The following NLRC4 variants were observed in gnomAD, a reference collection of about 807,000 sequenced individuals.
NLRC4 encodes NLR family CARD domain-containing protein 4.
In NLRC4, 63 loss-of-function variants were observed where a neutral mutation model predicts 79.9. The ratio of observed to expected loss-of-function variants is 0.79; its 90% CI spans 0.64 to 0.97. The LOEUF (loss-of-function observed/expected upper bound fraction) is 0.97, where lower values mean the gene tolerates loss of function less well. NLRC4 is among the 50% of genes least tolerant of loss of function. The probability of loss-of-function intolerance (pLI) is 0.00; values close to 1 mark genes in which losing one functional copy is unlikely to be tolerated. For synonymous variants in NLRC4, 461 were observed against 456.5 expected, an observed-to-expected ratio of 1.01 and a Z score of -0.12; for missense variants, 1,074 against 1,215.2, an observed-to-expected ratio of 0.88 and a Z score of 1.73.
In NLRC4 at chr2:32,249,913, A is replaced by G; in HGVS notation, c.1951T>C (p.Leu651=). The part of the protein sequence containing the change: ...ETYIPSRAVS[L]FFNWKQEFRT... ...AATTCCTGCTTCCAGTTGAAGAACA[A>G]AGATACAGCCCTGCTGGGAATGTAG... The change falls in exon 4 of 9, where the codon TTG becomes CTG. Residue 651 remains leucine (L), a synonymous_variant. Transcript: ENST00000402280. 1 of 1,614,246 alleles carries G rather than the reference A, an allele frequency of 6.2e-7. No homozygotes were observed. The highest frequency in any genetic ancestry group is 8.5e-7 in the Non-Finnish European group (1 of 1,180,046).
At position 32,251,102 on chromosome 2, in the gene NLRC4, C is replaced by G. The variant is rs1459225416; in HGVS notation, c.762G>C (p.Lys254Asn). The G allele has an allele frequency of 6.2e-7, 1 of 1,614,162 alleles. No individual in the cohort carries two copies. Among genetic ancestry groups the G allele is most frequent in the South Asian group, 1.1e-5 (1 of 91,080 alleles). ...CTTCGATTTCTGGGCAGTTCTGGGG[C>G]TTGAATTCATTGTAGCCATCAAGAA... ...LFLLDGYNEFKPQNCPEIEAL... is the reference protein window; with the variant it reads ...LFLLDGYNEFNPQNCPEIEAL... The change falls in exon 4 of 9, where the codon AAG (lysine) becomes AAC (asparagine). Residue 254 changes from lysine to asparagine, a missense_variant. Coordinates refer to ENST00000402280, the MANE Select transcript of NLRC4 (RefSeq NM_001199138.2).
chr2:32,230,416 TGGC>T (rs1329873956), intron 8 of NLRC4, among the ~76,000 whole-genome samples: 2 of 152,024 alleles, frequency 1.3e-5, no homozygotes. Flanking sequence ...CCACCCGCCT[TGGC>T]CTCTCAAACT....
chr2:32,233,349 A>ATATATATATATAT (rs1418146489), intron 8 of NLRC4, among the ~76,000 whole-genome samples: 44 of 41,100 alleles, frequency 1.1e-3, no homozygotes, highest in Admixed American at 2.0e-3. Flanking sequence ...ATATATATAT[A>ATATATATATATAT]TTTTTTTTTT....
intron 1 of NLRC4, among the ~76,000 whole-genome samples, chr2:32,259,980 G>T (rs1277784413): frequency 6.6e-6 from 1 of 152,110 alleles, no homozygotes. Context: ...TGTAATCCCA[G>T]CATATTGGGA....
Position 32,252,606 on chromosome 2 carries a change from A to T in NLRC4, c.75T>A (p.Asp25Glu), listed in dbSNP as rs1359694311. The T allele has an allele frequency of 6.2e-7, 1 of 1,614,010 alleles. No individual in the cohort carries two copies. Among genetic ancestry groups the T allele is most frequent in the Non-Finnish European group, 8.5e-7 (1 of 1,179,928 alleles). The change falls in exon 3 of 9, where the codon GAT becomes GAA. Residue 25 changes from aspartate (D) to glutamate (E), a missense_variant. Transcript: ENST00000402280. ...TCAGAACATTCCATACAAATAGGTCATCTGTGATTTGCTTTATAACAGTCA... is the reference window on the plus strand; with the variant it reads ...TCAGAACATTCCATACAAATAGGTCTTCTGTGATTTGCTTTATAACAGTCA... ...MGMTVIKQIT[D>E]DLFVWNVLNR...
At position 32,250,102 on chromosome 2, in the gene NLRC4, A is replaced by G; in HGVS notation, c.1762T>C (p.Ser588Pro). ...AATAAGTAATCGGGGATGTTCCCTG[A>G]GTTGATATATAAGCTTTTACCTTGA... ...FFQGKSLYIN[S>P]GNIPDYLFDF... Residue 588 changes from serine (S) to proline (P), a missense_variant, in exon 4 of 9, where the codon TCA becomes CCA. Ser to Pro is a moderately conservative substitution (Grantham distance 74). Transcript: ENST00000402280. This position sits in a 1 kb window ranked among gnomAD's most constrained non-coding sequence, Gnocchi z 4.9. 6.2e-7 allele frequency: 1 copy of G among 1,614,186 alleles called. No individual in the cohort carries two copies. Among genetic ancestry groups the G allele is most frequent in the Admixed American group, 1.7e-5 (1 of 60,024 alleles).
At chr2:32,254,277 G>A (rs1687153035) in intron 2 of NLRC4, among the ~76,000 whole-genome samples, 1 of 152,004 alleles carries the variant, frequency 6.6e-6, no homozygotes, top group Non-Finnish European at 1.5e-5. Flanking sequence ...CTCATACAAA[G>A]TAATAACTCA....
At chr2:32,236,182 T>C in intron 7 of NLRC4, 65 bp downstream of exon 7, 1 of 978,196 alleles carries the variant, frequency 1.0e-6, no homozygotes, top group Non-Finnish European at 1.6e-6. Context: ...GGACCCAGGC[T>C]ATGTATTTCG....
chr2:32,249,657 G>A lies in NLRC4; in HGVS notation c.2207C>T (p.Thr736Ile), dbSNP rs747182267. Residue 736 changes from threonine (T) to isoleucine (I), a missense_variant, in exon 4 of 9, where the codon ACA becomes ATA. Physicochemically the swap from Thr to Ile is moderately conservative, Grantham distance 89. Coordinates refer to ENST00000402280, the MANE Select transcript of NLRC4 (RefSeq NM_001199138.2). Reference sequence around the variant, plus strand: ...ATGAATACTCAAGGTTTTCAGGTTTGTTACAGATGTGATGTGCCTCTCATC... The same window carrying A: ...ATGAATACTCAAGGTTTTCAGGTTTATTACAGATGTGATGTGCCTCTCATC... The part of the protein sequence containing the change: ...IEDERHITSV[T>I]NLKTLSIHDL... The A allele has an allele frequency of 4.3e-6, 7 of 1,612,666 alleles. No individual in the cohort carries two copies. The South Asian group carries it at 5.5e-5, about 13-fold the overall frequency.
intron 6 of NLRC4, among the ~76,000 whole-genome samples, chr2:32,237,434 C>T (rs1267567974): frequency 6.6e-6 from 1 of 152,188 alleles, no homozygotes; most frequent in Non-Finnish European, 1.5e-5. Context: ...TCATTGTTCT[C>T]ATATTCCCAG....
At chr2:32,247,462 G>A (rs1440017387) in intron 4 of NLRC4, among the ~76,000 whole-genome samples, 2 of 151,198 alleles carry the variant, frequency 1.3e-5, no homozygotes, top group Non-Finnish European at 3.0e-5. Flanking sequence ...CTACAGGCAT[G>A]TGCCACCACG....
At chr2:32,254,805 A>G (rs1378978369) in intron 2 of NLRC4, among the ~76,000 whole-genome samples, 1 of 151,536 alleles carries the variant, frequency 6.6e-6, no homozygotes, top group East Asian at 1.9e-4. Flanking sequence ...TTTAGTAGAG[A>G]TGAGATTTCT....
intron 8 of NLRC4, among the ~76,000 whole-genome samples, chr2:32,233,350 T>TA (rs1491211096): frequency 0.057 from 1,360 of 23,880 alleles, 5 homozygotes; most frequent in East Asian, 0.071. Context: ...TATATATATA[T>TA]TTTTTTTTTT....
At chr2:32,258,524 C>T (rs443609) in intron 1 of NLRC4, among the ~76,000 whole-genome samples, 87,711 of 151,884 alleles carry the variant, frequency 0.58, 25,616 homozygotes, top group Non-Finnish European at 0.6. Context: ...TTCCCTTCCC[C>T]CCTTCCCTAT....
chr2:32,226,288 A>G (rs537129556), intron 8 of NLRC4, among the ~76,000 whole-genome samples: 5 of 152,320 alleles, frequency 3.3e-5, no homozygotes, highest in East Asian at 1.9e-4. Context: ...ATGTCACTGC[A>G]TGGCCTTGTG....
At chr2:32,263,352 G>T (rs772331534) in intron 1 of NLRC4, among the ~76,000 whole-genome samples, 3 of 152,164 alleles carry the variant, frequency 2.0e-5, no homozygotes, top group Non-Finnish European at 2.9e-5. Flanking sequence ...GGACTATTGT[G>T]AAGATTAAAC....
chr2:32,253,861 G>C (rs1019309080), intron 2 of NLRC4, among the ~76,000 whole-genome samples: 5 of 151,584 alleles, frequency 3.3e-5, no homozygotes, highest in African/African-American at 1.2e-4. Flanking sequence ...CTACTCAGGA[G>C]GCTGAGGCAG....
In NLRC4 at chr2:32,250,936, G is replaced by T; in HGVS notation, c.928C>A (p.Arg310=). The T allele has an allele frequency of 1.9e-6, 3 of 1,613,998 alleles. No individual in the cohort carries two copies. Among genetic ancestry groups the T allele is most frequent in the Non-Finnish European group, 2.5e-6 (3 of 1,180,020 alleles). ...MTEDSAQALI[R]EVLIKELAEG... ...GCAAGCTCCTTGATCAGCACTTCTC[G>T]GATGAGAGCCTGGGCGCTGTCTTCT... The change falls in exon 4 of 9, where the codon CGA becomes AGA. Residue 310 remains arginine, a synonymous_variant. Coordinates refer to ENST00000402280, the MANE Select transcript of NLRC4 (RefSeq NM_001199138.2). This position sits in a 1 kb window ranked among gnomAD's most constrained non-coding sequence, Gnocchi z 4.9.
At chr2:32,254,982 G>C (rs190971105) in intron 2 of NLRC4, among the ~76,000 whole-genome samples, 19 of 151,884 alleles carry the variant, frequency 1.3e-4, no homozygotes, top group Admixed American at 5.2e-4. Context: ...AAAGACCCCA[G>C]AACCTCTCTG....
Sources: allele counts gnomAD v4.1 joint callset (sites outside exome capture counted in the v4.1 genomes callset), GRCh38; gene constraint gnomAD v4.1.1; non-coding constraint Gnocchi (gnomAD v3.1); transcripts MANE v1.5; gene names NCBI Gene and HGNC (gene_info 2026-07-23, HGNC 2026-07-21).